The following SVIL variants were observed in gnomAD, a reference collection of about 807,000 sequenced individuals.
SVIL encodes the protein supervillin.
Under a neutral mutation model 240.4 loss-of-function variants are expected in SVIL, and 101 were observed. The observed-to-expected ratio is 0.42, with a 90% CI of 0.36 to 0.50. The LOEUF (loss-of-function observed/expected upper bound fraction) is 0.50. Among genes scored for constraint, SVIL ranks in the 20% least tolerant of loss-of-function variants. SVIL has a pLI of 0.01. For synonymous variants in SVIL, 999 were observed against 1,100.0 expected (o/e 0.91, Z 1.82); for missense variants, 2,512 against 2,818.7 (o/e 0.89, Z 2.46).
chr10:29,484,669 G>A lies in SVIL; in HGVS notation c.4942C>T (p.Pro1648Ser), dbSNP rs1947226150. The change falls in exon 27 of 38, where the codon CCG (proline) becomes TCG (serine). Residue 1648 changes from proline (P) to serine (S), a missense_variant. Coordinates refer to ENST00000355867, the MANE Select transcript of SVIL (RefSeq NM_021738.3). The surrounding 1 kb of genome is among the most constrained non-coding windows in gnomAD (Gnocchi z 4.7). ...CGGCAGGAGTACCTGGGGATAAGCG[G>A]ATTGCATTCTCCAGGATCCAGGGGA... ...INPLDPGECNPLIPRKGQGRP... is the reference protein window; with the variant it reads ...INPLDPGECNSLIPRKGQGRP... The A allele has an allele frequency of 3.1e-6, 5 of 1,612,544 alleles. No homozygotes were observed. The highest frequency in any genetic ancestry group is 1.7e-5 in the Admixed American group (1 of 59,706).
intron 1 of SVIL, chr10:29,686,735 G>A (rs544390356): frequency 2.6e-5 from 4 of 152,172 alleles, no homozygotes; most frequent in African/African-American, 9.6e-5. Context: ...GGAATGAATC[G>A]GTTTGCATTT....
At chr10:29,651,967 A>G (rs1334590163) in intron 3 of SVIL, among the ~76,000 whole-genome samples, 2 of 152,108 alleles carry the variant, frequency 1.3e-5, no homozygotes, top group African/African-American at 2.4e-5. Context: ...AGTCTCATCT[A>G]TCATGAAGTG....
At chr10:29,481,962 G>A (rs1290448055) in intron 27 of SVIL, among the ~76,000 whole-genome samples, 1 of 151,204 alleles carries the variant, frequency 6.6e-6, no homozygotes, top group Admixed American at 6.6e-5. Context: ...GTGCCTGAAT[G>A]TGACATGAAC....
At chr10:29,573,414 CT>C (rs1302011187) in intron 1 of SVIL, among the ~76,000 whole-genome samples, 1 of 151,926 alleles carries the variant, frequency 6.6e-6, no homozygotes, top group Non-Finnish European at 1.5e-5. Context: ...AAAATTTAAT[CT>C]ATTATTTAGG....
At chr10:29,498,989 A>T in intron 18 of SVIL, 127 bp downstream of exon 18, 1 of 1,381,572 alleles carries the variant, frequency 7.2e-7, no homozygotes, top group Non-Finnish European at 9.6e-7. Flanking sequence ...TCTTAGAAAA[A>T]ACTTAAAAAG....
chr10:29,467,735 A>C lies in SVIL; in HGVS notation c.5977+7T>G. 1 of 1,613,970 alleles carries C rather than the reference A, an allele frequency of 6.2e-7. No individual in the cohort carries two copies. The highest frequency in any genetic ancestry group is 8.5e-7 in the Non-Finnish European group (1 of 1,179,936). On this transcript the variant is annotated splice_region_variant and intron_variant, in intron 33 of 37. Transcript: ENST00000355867. ...AACCAGATCGCAGACTGTGGATGCC[A>C]CATTACCTTGAAGCATGCAATCGTA...
chr10:29,622,802 C>T (rs1321270067), intron 1 of SVIL, among the ~76,000 whole-genome samples: 1 of 152,184 alleles, frequency 6.6e-6, no homozygotes, highest in African/African-American at 2.4e-5. Context: ...TTCCCCAAAC[C>T]ACTCTGTCCC....
rs187933428 is a variant in SVIL, at chr10:29,641,556, G to A, written c.-201+16413C>T. 1.6e-3 allele frequency among the ~76,000 whole-genome samples: 240 copies of A among 151,842 alleles called. 2 individuals are homozygous for A. Among genetic ancestry groups the A allele is most frequent in the Admixed American group, 0.011 (171 of 15,240 alleles). On this transcript the variant is annotated intron_variant, in intron 3 of 35. Transcript: ENST00000375400. ...GCACTCCTGCCTGGGTGACAAGAAC[G>A]AAACTCCATCTCAAAATAAATAAAT...
chr10:29,523,932 A>C lies in SVIL; in HGVS notation c.2682T>G (p.Leu894=). The change falls in exon 15 of 38, where the codon CTT becomes CTG. Residue 894 remains leucine (L), a synonymous_variant. Transcript: ENST00000355867. ...TGTGGTCAAGAGGTGGCTTTGTGCG[A>C]AGATCTCCGGCATACATTGGAGCAA... The part of the protein sequence containing the change: ...STVAPMYAGD[L]RTKPPLDHNA... 1 of 1,614,172 alleles carries C rather than the reference A, an allele frequency of 6.2e-7. No homozygotes were observed.
intron 1 of SVIL, among the ~76,000 whole-genome samples, chr10:29,608,837 C>A (rs1057211198): frequency 3.9e-5 from 6 of 152,194 alleles, no homozygotes; most frequent in African/African-American, 1.4e-4. Context: ...TCTAGTGAAA[C>A]CCTACCTTTA....
intron 2 of SVIL, among the ~76,000 whole-genome samples, chr10:29,669,347 G>A (rs1163106637): frequency 1.3e-5 from 2 of 152,202 alleles, no homozygotes; most frequent in East Asian, 3.8e-4. Context: ...TGGCTGGCGT[G>A]CAGTGAGTGA....
At chr10:29,653,847 T>C (rs910642758) in intron 3 of SVIL, among the ~76,000 whole-genome samples, 3 of 152,164 alleles carry the variant, frequency 2.0e-5, no homozygotes, top group African/African-American at 7.2e-5. Flanking sequence ...TTTCCACTGA[T>C]TTACTGAAAA....
In SVIL at chr10:29,473,884, G is replaced by C; in HGVS notation, c.5483C>G (p.Thr1828Arg). 3 of 1,613,960 alleles carry C rather than the reference G, an allele frequency of 1.9e-6. No individual in the cohort carries two copies. The highest frequency in any genetic ancestry group is 2.5e-6 in the Non-Finnish European group (3 of 1,179,968). ...GRHSTVSEKGTSALMTVELDE... is the reference protein window; with the variant it reads ...GRHSTVSEKGRSALMTVELDE... ...CAGCTCCACCGTCATCAGCGCCGACGTGCCCTTCTCACTCACGGTGGAGTG... is the reference window on the plus strand; with the variant it reads ...CAGCTCCACCGTCATCAGCGCCGACCTGCCCTTCTCACTCACGGTGGAGTG... Residue 1828 changes from threonine (T) to arginine (R), a missense_variant, in exon 30 of 38, where the codon ACG (threonine) becomes AGG (arginine). Physicochemically the swap from Thr to Arg is moderately conservative, Grantham distance 71. Coordinates refer to ENST00000355867, the MANE Select transcript of SVIL (RefSeq NM_021738.3).
intron 3 of SVIL, among the ~76,000 whole-genome samples, chr10:29,556,990 G>A (rs1163664537): frequency 6.6e-6 from 1 of 152,178 alleles, no homozygotes; most frequent in African/African-American, 2.4e-5. Flanking sequence ...TTGAACCCAT[G>A]CCTCAAACCC....
chr10:29,550,927 A>G lies in SVIL; in HGVS notation c.497T>C (p.Leu166Pro), dbSNP rs1377282542. 1.9e-6 allele frequency: 3 copies of G among 1,613,958 alleles called. No individual in the cohort carries two copies. The highest frequency in any genetic ancestry group is 2.7e-5 in the African/African-American group (2 of 74,904). The change falls in exon 6 of 38, where the codon CTG (leucine) becomes CCG (proline). Residue 166 changes from leucine to proline, a missense_variant. Leu to Pro is a moderately conservative substitution (Grantham distance 98). Around this residue, in one of 3 missense-constraint regions of SVIL, gnomAD observed 1,443 missense variants for 1,486.6 expected, o/e 0.97. Transcript: ENST00000355867. Reference protein sequence around the residue: ...QEESSRDASSLYPGTETMGLR... With the variant: ...QEESSRDASSPYPGTETMGLR... Reference sequence around the variant, plus strand: ...CCCCATCGTCTCGGTCCCGGGGTACAGAGAACTAGCATCTCTGCTTGACTC... The same window carrying G: ...CCCCATCGTCTCGGTCCCGGGGTACGGAGAACTAGCATCTCTGCTTGACTC...
intron 13 of SVIL, among the ~76,000 whole-genome samples, chr10:29,526,378 C>T (rs1186755784): frequency 1.4e-5 from 2 of 139,154 alleles, no homozygotes; most frequent in Non-Finnish European, 3.0e-5. Flanking sequence ...GATCTTGACT[C>T]ACTGCAACCT....
intron 1 of SVIL, among the ~76,000 whole-genome samples, chr10:29,601,962 T>C (rs2132841066): frequency 6.6e-6 from 1 of 152,338 alleles, no homozygotes; most frequent in East Asian, 1.9e-4. Context: ...TTCTCCTAAT[T>C]GTTTCTCTTT....
chr10:29,733,449 C>T lies in SVIL; in HGVS notation c.-400+2302G>A, dbSNP rs73596083. Among the ~76,000 whole-genome samples, 416 of 152,216 alleles carry T rather than the reference C, an allele frequency of 2.7e-3. 1 individual carries two copies. The highest frequency in any genetic ancestry group is 9.8e-3 in the African/African-American group (405 of 41,514). ...AAGCGATCCTCCCACCTCAGCATCC[C>T]AAGTAGCTAAGACCACAGGTAATTT... On this transcript the variant is annotated intron_variant, in intron 1 of 35. Coordinates refer to the SVIL transcript ENST00000375400.
chr10:29,717,478 G>A (rs568787763), intron 1 of SVIL, among the ~76,000 whole-genome samples: 1 of 152,180 alleles, frequency 6.6e-6, no homozygotes, highest in South Asian at 2.1e-4. Context: ...TGACTTCACT[G>A]AAATCAAAAG....
Sources: gnomAD v4.1 joint callset for allele counts (sites outside exome capture counted in the v4.1 genomes callset) on GRCh38, gnomAD v4.1.1 for gene constraint, gnomAD v4.1.1 regional missense constraint, Gnocchi (gnomAD v3.1) non-coding constraint, MANE v1.5 for transcripts, NCBI Gene and HGNC (gene_info 2026-07-23, HGNC 2026-07-21) for gene names.